Variants in ERBB4 observed in about 807,000 individuals in gnomAD.
ERBB4 encodes the protein erb-b2 receptor tyrosine kinase 4.
ERBB4 carries 42 observed loss-of-function variants against 158.0 expected under a neutral mutation model. The ratio of observed to expected loss-of-function variants is 0.27; its 90% CI spans 0.21 to 0.34. The LOEUF (loss-of-function observed/expected upper bound fraction) is 0.34. ERBB4 is among the 10% of genes least tolerant of loss of function. ERBB4 has a pLI of 1.00. For synonymous variants in ERBB4, 583 were observed against 558.7 expected (o/e 1.04, Z -0.61); for missense variants, 1,333 against 1,624.1 (o/e 0.82, Z 3.08).
chr2:211,472,137 C>G (rs1037172911), intron 20 of ERBB4, among the ~76,000 whole-genome samples: 29 of 151,918 alleles, frequency 1.9e-4, no homozygotes, highest in Non-Finnish European at 1.5e-5. Flanking sequence ...TAGAGGTAGA[C>G]AGACAAGTGT....
intron 3 of ERBB4, among the ~76,000 whole-genome samples, chr2:211,798,522 A>C (rs757895773): frequency 6.6e-6 from 1 of 152,134 alleles, no homozygotes; most frequent in Non-Finnish European, 1.5e-5. Context: ...GTTGGGTTAC[A>C]ATGAGAAATA....
chr2:212,080,305 C>T (rs1413937065), intron 2 of ERBB4, among the ~76,000 whole-genome samples: 2 of 150,200 alleles, frequency 1.3e-5, no homozygotes, highest in African/African-American at 4.9e-5. Context: ...GAGCCAGACT[C>T]CGTCTCAAAA....
chr2:212,230,868 T>A (rs574080104), intron 1 of ERBB4, among the ~76,000 whole-genome samples: 1 of 152,166 alleles, frequency 6.6e-6, no homozygotes, highest in East Asian at 1.9e-4. Flanking sequence ...CCAGGAATCA[T>A]AGGGAAATGA....
chr2:212,003,212 A>AGAAAGACAGACG (rs2076173198), intron 2 of ERBB4, among the ~76,000 whole-genome samples: 1 of 40,484 alleles, frequency 2.5e-5, no homozygotes, highest in African/African-American at 6.4e-5. Context: ...AAAGACAGAA[A>AGAAAGACAGACG]GAAGGAAGGA....
At position 211,713,596 on chromosome 2, in the gene ERBB4, C is replaced by T. The variant is rs777495826; in HGVS notation, c.936G>A (p.Lys312=). ...SSCVRACPSS[K]MEVEENGIKM... is the part of the protein sequence containing the mutation. ...TAATCCCATTTTCTTCTACTTCCAT[C>T]TTGGAACTAGGGCAGGCACGCACAC... is the stretch of plus-strand genomic sequence containing the variant. Residue 312 remains lysine, a synonymous_variant, in exon 8 of 28, where the codon AAG becomes AAA. Transcript: ENST00000342788. The T allele has an allele frequency of 6.2e-6, 10 of 1,612,354 alleles. No homozygotes were observed. The highest frequency in any genetic ancestry group is 8.5e-7 in the Non-Finnish European group (1 of 1,179,322).
intron 1 of ERBB4, among the ~76,000 whole-genome samples, chr2:212,294,806 T>A (rs1217478905): frequency 4.6e-5 from 7 of 152,108 alleles, no homozygotes; most frequent in Non-Finnish European, 7.4e-5. Flanking sequence ...ACAGCTCTAT[T>A]TGCCTACTCG....
At chr2:211,715,054 G>A (rs2073847773) in intron 7 of ERBB4, among the ~76,000 whole-genome samples, 1 of 152,184 alleles carries the variant, frequency 6.6e-6, no homozygotes, top group Non-Finnish European at 1.5e-5. Context: ...CCTATGACTA[G>A]ACTTGAAGCA....
chr2:211,931,704 G>A lies in ERBB4; in HGVS notation c.421+15726C>T, dbSNP rs1379041218. On this transcript the variant is annotated intron_variant, in intron 3 of 27. Transcript: ENST00000342788. Reference sequence around the variant, plus strand: ...ATTAGGTGATTTATCTAAGGTATAAGTGGAATGAGAATACGAATCTTCTGG... The same window carrying A: ...ATTAGGTGATTTATCTAAGGTATAAATGGAATGAGAATACGAATCTTCTGG... 3.3e-5 allele frequency among the ~76,000 whole-genome samples: 5 copies of A among 152,134 alleles called. 1 individual carries two copies. Among genetic ancestry groups the A allele is most frequent in the Middle Eastern group, 6.8e-3 (2 of 294 alleles).
At chr2:211,415,278 G>A (rs1280394896) in intron 25 of ERBB4, among the ~76,000 whole-genome samples, 7 of 152,006 alleles carry the variant, frequency 4.6e-5, no homozygotes, top group East Asian at 1.9e-4. Context: ...CACCACGCCC[G>A]GCTAATTTTT....
At chr2:212,479,676 AAT>A (rs1261067207) in intron 1 of ERBB4, among the ~76,000 whole-genome samples, 2 of 152,176 alleles carry the variant, frequency 1.3e-5, no homozygotes, top group Non-Finnish European at 2.9e-5. Flanking sequence ...CAATCACCGT[AAT>A]TCTGCCTGTC....
chr2:212,220,486 G>A (rs868686151), intron 1 of ERBB4, among the ~76,000 whole-genome samples: 1 of 151,502 alleles, frequency 6.6e-6, no homozygotes, highest in South Asian at 2.1e-4. Context: ...TAATTCTGAT[G>A]ATTTTAGCAG....
At chr2:211,456,436 G>A (rs918097130) in intron 20 of ERBB4, among the ~76,000 whole-genome samples, 3 of 152,034 alleles carry the variant, frequency 2.0e-5, no homozygotes, top group Admixed American at 1.3e-4. Flanking sequence ...AACATAATGA[G>A]TTTATAATAT....
At chr2:211,642,509 C>T (rs1365106155) in intron 16 of ERBB4, among the ~76,000 whole-genome samples, 1 of 152,018 alleles carries the variant, frequency 6.6e-6, no homozygotes, top group Admixed American at 6.6e-5. Context: ...CCTACTTATG[C>T]CCTAGACAGG....
rs189056303 is a variant in ERBB4 at position 212,533,783 on chromosome 2, A to G, written c.82+4666T>C. ...CATAATAGAGCATCTCTAAAATGAT[A>G]TAACCTGGAGAAAAGTTGTTAATAT... On this transcript the variant is annotated intron_variant, in intron 1 of 27. Transcript: ENST00000342788. 2.6e-5 allele frequency among the ~76,000 whole-genome samples: 4 copies of G among 152,338 alleles called. No homozygotes were observed. The East Asian group carries it at 7.7e-4, about 29-fold the overall frequency.
chr2:212,298,291 C>T (rs1052187242), intron 1 of ERBB4, among the ~76,000 whole-genome samples: 2 of 151,678 alleles, frequency 1.3e-5, no homozygotes, highest in African/African-American at 4.8e-5. Flanking sequence ...ATGTGCTTTA[C>T]ATCATGAATA....
intron 1 of ERBB4, among the ~76,000 whole-genome samples, chr2:212,349,321 A>ACACACACACC (rs985054412): frequency 4.8e-5 from 7 of 144,980 alleles, no homozygotes; most frequent in African/African-American, 1.5e-4. Flanking sequence ...ACACACACAC[A>ACACACACACC]CCCTTCAAGT....
intron 9 of ERBB4, among the ~76,000 whole-genome samples, chr2:211,706,994 A>C (rs892257610): frequency 6.6e-6 from 1 of 152,206 alleles, no homozygotes; most frequent in East Asian, 1.9e-4. Context: ...ATACAGAGGA[A>C]ATATCAGCTC....
At chr2:211,501,486 T>C (rs1303992467) in intron 20 of ERBB4, among the ~76,000 whole-genome samples, 1 of 128,308 alleles carries the variant, frequency 7.8e-6, no homozygotes. Flanking sequence ...TTGTTATGTA[T>C]CCATAAAAAT....
chr2:211,545,630 A>G (rs1288821273), intron 20 of ERBB4, among the ~76,000 whole-genome samples: 3 of 152,090 alleles, frequency 2.0e-5, no homozygotes, highest in African/African-American at 7.2e-5. Flanking sequence ...TCCATGGCTT[A>G]AAGCTTGTGT....
Sources: allele counts gnomAD v4.1 joint callset (sites outside exome capture counted in the v4.1 genomes callset), GRCh38; gene constraint gnomAD v4.1.1; transcripts MANE v1.5; gene names NCBI Gene and HGNC (gene_info 2026-07-23, HGNC 2026-07-21).